ADAMTSL1: variants seen among roughly 807,000 people sequenced by gnomAD.
ADAMTSL1 encodes the protein ADAMTS like 1.
Under a neutral mutation model 201.8 loss-of-function variants are expected in ADAMTSL1, and 126 were observed. That is an observed-to-expected ratio of 0.62 (90% CI 0.54 to 0.72). The LOEUF (loss-of-function observed/expected upper bound fraction) is 0.72, where lower values mean the gene tolerates loss of function less well. Ranked by LOEUF, ADAMTSL1 falls within the 30% of genes least tolerant of loss-of-function variation. The pLI, the probability that ADAMTSL1 is intolerant of heterozygous loss-of-function variation, is 0.00. For synonymous variants in ADAMTSL1, 1,121 were observed against 903.4 expected, an observed-to-expected ratio of 1.24 and a Z score of -4.32; for missense variants, 2,679 against 2,277.8, an observed-to-expected ratio of 1.18 and a Z score of -3.59.
intron 2 of ADAMTSL1, among the ~76,000 whole-genome samples, chr9:18,399,244 A>T (rs1191592617): frequency 1.5e-5 from 2 of 133,530 alleles, no homozygotes; most frequent in African/African-American, 5.6e-5. Flanking sequence ...GGATTGAAGG[A>T]GCTGATAAAT....
At position 18,288,043 on chromosome 9, in the gene ADAMTSL1, G is replaced by C. The variant is rs544475699; in HGVS notation, c.207+124062G>C. Among the ~76,000 whole-genome samples, 4 of 152,234 alleles carry C rather than the reference G, an allele frequency of 2.6e-5. No individual in the cohort carries two copies. The South Asian group carries it at 6.2e-4, about 24-fold the overall frequency. ...GACTGGGCTTGAAAGAACTGAGCCT[G>C]AGCGGTGGCACTGGCTGTGGGGAGT... is the stretch of plus-strand genomic sequence containing the variant. On this transcript the variant is annotated intron_variant, in intron 2 of 29. Coordinates refer to the ADAMTSL1 transcript ENST00000680146.
chr9:18,639,519 C>T (rs190188144), intron 7 of ADAMTSL1, 108 bp downstream of exon 7: 23 of 1,304,222 alleles, frequency 1.8e-5, no homozygotes, highest in Admixed American at 1.5e-4. Context: ...TTGGAAAGCC[C>T]GTTTGTTACC....
At chr9:18,394,232 G>A (rs867532297) in intron 2 of ADAMTSL1, among the ~76,000 whole-genome samples, 1 of 152,130 alleles carries the variant, frequency 6.6e-6, no homozygotes, top group Non-Finnish European at 1.5e-5. Context: ...ATTAGCGGGG[G>A]ATTGCATTGT....
At chr9:18,521,648 GAC>G (rs1451450206) in intron 2 of ADAMTSL1, among the ~76,000 whole-genome samples, 2 of 152,050 alleles carry the variant, frequency 1.3e-5, no homozygotes, top group East Asian at 3.8e-4. Context: ...TTAAAGAAGA[GAC>G]AGTGCTGAAT....
At chr9:18,305,108 G>A (rs761859556) in intron 2 of ADAMTSL1, among the ~76,000 whole-genome samples, 5 of 152,180 alleles carry the variant, frequency 3.3e-5, no homozygotes, top group Non-Finnish European at 5.9e-5. Flanking sequence ...CAAGTGGTCA[G>A]GAACTCCCTC....
At chr9:18,289,736 T>C (rs1398468882) in intron 2 of ADAMTSL1, among the ~76,000 whole-genome samples, 1 of 152,182 alleles carries the variant, frequency 6.6e-6, no homozygotes, top group East Asian at 1.9e-4. Flanking sequence ...TTTCTTTCAT[T>C]TTTATTCAGC....
intron 2 of ADAMTSL1, among the ~76,000 whole-genome samples, chr9:18,428,520 T>G (rs1263419054): frequency 6.6e-6 from 1 of 151,392 alleles, no homozygotes; most frequent in African/African-American, 2.4e-5. Flanking sequence ...CTCAGGAGGC[T>G]GAGATGGGAG....
chr9:18,111,061 G>A (rs899141670), intron 1 of ADAMTSL1, among the ~76,000 whole-genome samples: 2 of 152,092 alleles, frequency 1.3e-5, no homozygotes, highest in African/African-American at 4.8e-5. Context: ...ATTTTGCAGA[G>A]TGAAGTGTAG....
chr9:18,550,440 G>A (rs1489871152), intron 3 of ADAMTSL1, among the ~76,000 whole-genome samples: 1 of 151,888 alleles, frequency 6.6e-6, no homozygotes, highest in Non-Finnish European at 1.5e-5. Context: ...GTTGTTATTG[G>A]CTCTGAGATG....
chr9:18,144,894 A>G (rs1826563814), intron 1 of ADAMTSL1, among the ~76,000 whole-genome samples: 1 of 152,008 alleles, frequency 6.6e-6, no homozygotes, highest in African/African-American at 2.4e-5. Flanking sequence ...AGCAAAATGA[A>G]CTCTGTCTCA....
At chr9:17,978,031 A>T (rs1397520423) in intron 1 of ADAMTSL1, among the ~76,000 whole-genome samples, 2 of 151,826 alleles carry the variant, frequency 1.3e-5, no homozygotes, top group Non-Finnish European at 2.9e-5. Context: ...TGATTAATTG[A>T]CCCCTTTAAA....
intron 2 of ADAMTSL1, among the ~76,000 whole-genome samples, chr9:18,293,464 C>G (rs1833352622): frequency 6.6e-6 from 1 of 152,212 alleles, no homozygotes; most frequent in South Asian, 2.1e-4. Context: ...CAGTCATCAT[C>G]TTAAGAATAC....
chr9:18,111,420 T>G (rs1162901926), intron 1 of ADAMTSL1, among the ~76,000 whole-genome samples: 1 of 152,196 alleles, frequency 6.6e-6, no homozygotes, highest in Admixed American at 6.5e-5. Flanking sequence ...TTATTTACAC[T>G]TAACTCATCA....
At chr9:18,187,477 C>T (rs968969025) in intron 2 of ADAMTSL1, among the ~76,000 whole-genome samples, 3 of 151,890 alleles carry the variant, frequency 2.0e-5, no homozygotes, top group African/African-American at 7.3e-5. Flanking sequence ...TAGTTAAGAT[C>T]TTGATAAGAT....
chr9:18,469,502 A>G (rs1053022749), upstream of ADAMTSL1, among the ~76,000 whole-genome samples: 1 of 152,240 alleles, frequency 6.6e-6, no homozygotes, highest in Non-Finnish European at 1.5e-5. Flanking sequence ...AAAGACTCCA[A>G]CTTGAGCTCT....
intron 2 of ADAMTSL1, among the ~76,000 whole-genome samples, chr9:18,460,313 C>T (rs547423232): frequency 6.6e-6 from 1 of 152,208 alleles, no homozygotes; most frequent in South Asian, 2.1e-4. Context: ...AGGACTTGCC[C>T]AACTCCACGG....
chr9:18,240,143 T>C (rs1831006855), intron 2 of ADAMTSL1, among the ~76,000 whole-genome samples: 1 of 152,186 alleles, frequency 6.6e-6, no homozygotes, highest in South Asian at 2.1e-4. Flanking sequence ...GAAATTATAA[T>C]CTATGGCAGT....
At chr9:18,261,536 C>G (rs1046144347) in intron 2 of ADAMTSL1, among the ~76,000 whole-genome samples, 1 of 152,192 alleles carries the variant, frequency 6.6e-6, no homozygotes, top group Non-Finnish European at 1.5e-5. Flanking sequence ...TCTATTTACT[C>G]TAGAATTCTG....
At chr9:18,490,275 C>G (rs907442659) in intron 1 of ADAMTSL1, among the ~76,000 whole-genome samples, 1 of 151,144 alleles carries the variant, frequency 6.6e-6, no homozygotes, top group Non-Finnish European at 1.5e-5. Context: ...ACAGGGGGAA[C>G]AGAAGGAAGC....
Sources: gnomAD v4.1 joint callset for allele counts (sites outside exome capture counted in the v4.1 genomes callset) on GRCh38, gnomAD v4.1.1 for gene constraint, MANE v1.5 for transcripts, NCBI Gene and HGNC (gene_info 2026-07-23, HGNC 2026-07-21) for gene names.